The following NTRK2 variants were observed in gnomAD, a reference collection of about 807,000 sequenced individuals.
The protein encoded by NTRK2 is neurotrophic receptor tyrosine kinase 2.
In NTRK2, 13 loss-of-function variants were observed where a neutral mutation model predicts 94.5. That is an observed-to-expected ratio of 0.14 (90% CI 0.09 to 0.22). The LOEUF is 0.22. Among genes scored for constraint, NTRK2 ranks in the 10% least tolerant of loss-of-function variants. The pLI is 1.00. For synonymous variants in NTRK2, 372 were observed against 407.4 expected (o/e 0.91, Z 1.05); for missense variants, 639 against 1,071.2 (o/e 0.60, Z 5.63).
intron 17 of NTRK2, among the ~76,000 whole-genome samples, chr9:85,008,335 C>A (rs1350747990): frequency 6.6e-6 from 1 of 151,922 alleles, no homozygotes; most frequent in Non-Finnish European, 1.5e-5. Flanking sequence ...GCTCACACAG[C>A]ACTAACTATA....
intron 17 of NTRK2, among the ~76,000 whole-genome samples, chr9:84,974,092 GAGA>G (rs1273879215): frequency 6.6e-6 from 1 of 152,170 alleles, no homozygotes; most frequent in East Asian, 1.9e-4. Flanking sequence ...CCCCATATTA[GAGA>G]AGAAGTTTAT....
intron 15 of NTRK2, among the ~76,000 whole-genome samples, chr9:84,942,939 C>T (rs1456678483): frequency 6.6e-6 from 1 of 152,174 alleles, no homozygotes. Flanking sequence ...GATCCTAACC[C>T]AGAGGAACTC....
At chr9:84,812,775 A>G (rs1028447311) in intron 12 of NTRK2, 19 of 1,040,042 alleles carry the variant, frequency 1.8e-5, no homozygotes, top group Non-Finnish European at 2.2e-5. Flanking sequence ...AAAAATAAAA[A>G]AAAAGGAATA....
At chr9:84,816,563 G>A (rs1034823380) in intron 12 of NTRK2, among the ~76,000 whole-genome samples, 2 of 151,868 alleles carry the variant, frequency 1.3e-5, no homozygotes, top group African/African-American at 2.4e-5. Context: ...GGCGGATCAT[G>A]AGGTCGAGAG....
At chr9:84,988,936 T>A (rs2133297243) in intron 17 of NTRK2, among the ~76,000 whole-genome samples, 1 of 152,344 alleles carries the variant, frequency 6.6e-6, no homozygotes, top group Non-Finnish European at 1.5e-5. Flanking sequence ...GACAGATATT[T>A]TTGATACAAG....
intron 14 of NTRK2, among the ~76,000 whole-genome samples, chr9:84,888,982 ATTTTTTTTTTTT>A (rs71369159): frequency 9.8e-6 from 1 of 101,684 alleles, no homozygotes; most frequent in Non-Finnish European, 1.9e-5. Flanking sequence ...AATGACAGAA[ATTTTTTTTTTTT>A]TTTTTTTTTT....
At chr9:84,923,007 G>A (rs1278474107) in intron 14 of NTRK2, among the ~76,000 whole-genome samples, 2 of 152,176 alleles carry the variant, frequency 1.3e-5, no homozygotes, top group African/African-American at 4.8e-5. Flanking sequence ...TCCAGAGATG[G>A]AAGCCATTTG....
At chr9:84,731,653 G>A (rs113485803) in intron 9 of NTRK2, among the ~76,000 whole-genome samples, 11 of 152,074 alleles carry the variant, frequency 7.2e-5, no homozygotes, top group African/African-American at 2.7e-4. Context: ...CGCTTGGGAT[G>A]CAGACACTAG....
At chr9:84,730,993 T>C (rs2062850774) in intron 9 of NTRK2, among the ~76,000 whole-genome samples, 1 of 152,020 alleles carries the variant, frequency 6.6e-6, no homozygotes, top group Admixed American at 6.6e-5. Flanking sequence ...CCCCTTCCCT[T>C]TTTTTATTTG....
intron 12 of NTRK2, among the ~76,000 whole-genome samples, chr9:84,845,583 C>T (rs935896240): frequency 1.3e-5 from 2 of 152,092 alleles, no homozygotes; most frequent in African/African-American, 4.8e-5. Flanking sequence ...GAATACTACT[C>T]AGCCATAAAA....
At chr9:85,002,319 G>A (rs1048582504) in intron 17 of NTRK2, among the ~76,000 whole-genome samples, 19 of 152,220 alleles carry the variant, frequency 1.2e-4, no homozygotes, top group African/African-American at 2.9e-4. Flanking sequence ...GTTTTCATTA[G>A]TGAAGATCAT....
intron 17 of NTRK2, among the ~76,000 whole-genome samples, chr9:84,980,334 A>C (rs1051412069): frequency 6.6e-6 from 1 of 152,160 alleles, no homozygotes; most frequent in African/African-American, 2.4e-5. Flanking sequence ...GCATGATTGT[A>C]TGTGGGACTG....
intron 9 of NTRK2, among the ~76,000 whole-genome samples, chr9:84,739,965 A>G (rs2063522539): frequency 6.6e-6 from 1 of 152,238 alleles, no homozygotes; most frequent in African/African-American, 2.4e-5. Flanking sequence ...TGCAAGACAA[A>G]TGTATAGTTA....
rs1029130649 is a variant in NTRK2 at position 84,702,550 on chromosome 9, G to C, written c.359+131G>C. 1.2e-5 allele frequency: 10 copies of C among 809,548 alleles called. No homozygotes were observed. In the East Asian group the frequency reaches 2.3e-4, roughly 18 times the overall value. The allele number at this position is 809,548 out of a possible 1,614,324, so 50.1% of individuals were successfully genotyped here. A position where few individuals can be genotyped will look rare whatever the true frequency, so the allele number is the denominator to read the frequency against. Reference sequence around the variant, plus strand: ...TTAGTATAGCTGTGATAATAGCTTAGAAACATTAGCTCTGATTTTGTTTGA... The same window carrying C: ...TTAGTATAGCTGTGATAATAGCTTACAAACATTAGCTCTGATTTTGTTTGA... On this transcript the variant is annotated intron_variant, in intron 4 of 18. Coordinates refer to ENST00000277120, the MANE Select transcript of NTRK2 (RefSeq NM_006180.6).
rs368180298 is a variant in NTRK2, at chr9:84,852,735, AC to A, written c.1397-8304del. On this transcript the variant is annotated intron_variant, in intron 12 of 18. Transcript: ENST00000277120. ...ACTGCTTTTGAAATAGTCCACATGT[AC>A]AAAACAAAAGAGAGAAATAGTTGGC... is the stretch of plus-strand genomic sequence containing the variant. 7.1e-4 allele frequency among the ~76,000 whole-genome samples: 108 copies of A among 152,354 alleles called. No homozygotes were observed. The East Asian group carries it at 0.018, about 26-fold the overall frequency.
intron 17 of NTRK2, among the ~76,000 whole-genome samples, chr9:84,969,094 G>C (rs1055189769): frequency 4.6e-5 from 7 of 152,210 alleles, no homozygotes; most frequent in Admixed American, 3.9e-4. Context: ...TCCCAGGCTA[G>C]AATGGTGTTT....
At chr9:84,830,220 G>T (rs979207133) in intron 12 of NTRK2, among the ~76,000 whole-genome samples, 57 of 152,272 alleles carry the variant, frequency 3.7e-4, no homozygotes, top group African/African-American at 1.3e-3. Flanking sequence ...GCCCTCCCAT[G>T]ATGCCTTTCA....
At chr9:84,894,254 C>G (rs567702238) in intron 14 of NTRK2, among the ~76,000 whole-genome samples, 1 of 133,634 alleles carries the variant, frequency 7.5e-6, no homozygotes, top group South Asian at 2.5e-4. Context: ...TGTATTCCAG[C>G]TGTGAGCTGG....
At chr9:84,893,220 G>A (rs193215872) in intron 14 of NTRK2, among the ~76,000 whole-genome samples, 8 of 152,150 alleles carry the variant, frequency 5.3e-5, no homozygotes, top group Middle Eastern at 3.4e-3. Flanking sequence ...TCACTGTTCC[G>A]ACTTTTTTAA....
Sources: gnomAD v4.1 joint callset for allele counts (sites outside exome capture counted in the v4.1 genomes callset) on GRCh38, gnomAD v4.1.1 for gene constraint, MANE v1.5 for transcripts, NCBI Gene and HGNC (gene_info 2026-07-23, HGNC 2026-07-21) for gene names.